Variants in CTNNA2 observed in about 807,000 individuals in gnomAD.
CTNNA2 encodes catenin alpha-2.
A neutral mutation model predicts 101.0 loss-of-function variants in CTNNA2; 42 were observed. The observed-to-expected ratio is 0.42, with a 90% CI of 0.32 to 0.54. The LOEUF (loss-of-function observed/expected upper bound fraction) is 0.54. Among genes scored for constraint, CTNNA2 ranks in the 20% least tolerant of loss-of-function variants. CTNNA2 has a pLI of 0.14. For missense variants in CTNNA2, 871 were observed against 1,223.1 expected, an observed-to-expected ratio of 0.71 and a Z score of 4.29; for synonymous variants, 450 against 456.4, an observed-to-expected ratio of 0.99 and a Z score of 0.18.
chr2:79,632,499 C>T (rs1679758398), intron 1 of CTNNA2, among the ~76,000 whole-genome samples: 2 of 152,286 alleles, frequency 1.3e-5, no homozygotes, highest in Non-Finnish European at 1.5e-5. Context: ...TCTAGATTGC[C>T]ATTTACCTAT....
chr2:80,491,184 G>T (rs1465039882), intron 9 of CTNNA2, among the ~76,000 whole-genome samples: 1 of 152,162 alleles, frequency 6.6e-6, no homozygotes, highest in Non-Finnish European at 1.5e-5. Context: ...ACAGCAGCGA[G>T]GCAAACTGAT....
chr2:80,594,756 C>T (rs1696799371), intron 15 of CTNNA2, among the ~76,000 whole-genome samples: 1 of 152,002 alleles, frequency 6.6e-6, no homozygotes, highest in Non-Finnish European at 1.5e-5. Context: ...ATTGAAAACA[C>T]TGCCCTTTTC....
intron 15 of CTNNA2, among the ~76,000 whole-genome samples, chr2:80,593,271 C>A (rs538979436): frequency 2.0e-5 from 3 of 152,078 alleles, no homozygotes; most frequent in South Asian, 2.1e-4. Flanking sequence ...GTCTTCTTGT[C>A]GATATTGTCT....
chr2:79,912,364 A>G (rs573695752), intron 7 of CTNNA2, among the ~76,000 whole-genome samples: 3 of 152,364 alleles, frequency 2.0e-5, no homozygotes, highest in Non-Finnish European at 2.9e-5. Context: ...TTCATGGAGC[A>G]TGGGCTATGA....
intron 6 of CTNNA2, among the ~76,000 whole-genome samples, chr2:79,889,799 A>G (rs907319286): frequency 6.6e-6 from 1 of 152,206 alleles, no homozygotes; most frequent in African/African-American, 2.4e-5. Context: ...CTCCTGACTG[A>G]AAAGTTGTTA....
At chr2:80,289,869 A>G (rs1465819380) in intron 7 of CTNNA2, among the ~76,000 whole-genome samples, 1 of 152,178 alleles carries the variant, frequency 6.6e-6, no homozygotes, top group Non-Finnish European at 1.5e-5. Flanking sequence ...CCTGCTACGG[A>G]TGATGGAGTA....
intron 15 of CTNNA2, among the ~76,000 whole-genome samples, chr2:80,597,967 G>A (rs1275267049): frequency 6.6e-6 from 1 of 151,928 alleles, no homozygotes; most frequent in African/African-American, 2.4e-5. Context: ...TACACCCAAA[G>A]GATTATAAAT....
intron 9 of CTNNA2, among the ~76,000 whole-genome samples, chr2:80,511,274 A>G (rs1688682747): frequency 6.6e-6 from 1 of 152,240 alleles, no homozygotes; most frequent in South Asian, 2.1e-4. Context: ...AAGATATTAG[A>G]GATATTTTTC....
chr2:79,516,748 G>A lies in CTNNA2; in HGVS notation c.-6+3541G>A, dbSNP rs548377796. ...ATAGTGAGGACCCAGAATATTCTTA[G>A]GTCTTTTCTTTTAACTTCAAGGCAG... On this transcript the variant is annotated intron_variant, in intron 1 of 18. Coordinates refer to ENST00000402739, the MANE Select transcript of CTNNA2 (RefSeq NM_001282597.3). Among the ~76,000 whole-genome samples the A allele has an allele frequency of 1.8e-4, 28 of 152,172 alleles. 1 individual carries two copies. In the South Asian group the frequency reaches 5.6e-3, roughly 30 times the overall value.
intron 2 of CTNNA2, among the ~76,000 whole-genome samples, chr2:79,238,258 A>G (rs948560901): frequency 6.6e-6 from 1 of 152,220 alleles, no homozygotes; most frequent in Non-Finnish European, 1.5e-5. Context: ...CAGCTCATCC[A>G]TAGAGCAGTC....
At chr2:80,336,946 G>A (rs1479295146) in intron 7 of CTNNA2, among the ~76,000 whole-genome samples, 3 of 152,260 alleles carry the variant, frequency 2.0e-5, no homozygotes, top group South Asian at 4.1e-4. Context: ...AGAAAATTGA[G>A]CATTGTTCCC....
chr2:80,603,761 T>C (rs1697760156), intron 15 of CTNNA2: 1 of 270,092 alleles, frequency 3.7e-6, no homozygotes, highest in African/African-American at 2.2e-5. Flanking sequence ...TACAACAGCT[T>C]TTGGTACACG....
At chr2:80,154,245 G>A (rs1703873119) in intron 7 of CTNNA2, among the ~76,000 whole-genome samples, 1 of 151,532 alleles carries the variant, frequency 6.6e-6, no homozygotes, top group African/African-American at 2.4e-5. Context: ...TTTTTTTCCT[G>A]TTGGTATTTT....
chr2:79,484,847 A>C (rs2104559122), intron 4 of CTNNA2, among the ~76,000 whole-genome samples: 1 of 152,270 alleles, frequency 6.6e-6, no homozygotes, highest in South Asian at 2.1e-4. Flanking sequence ...GATTTCCATT[A>C]GTTGAATGTC....
Position 79,668,424 on chromosome 2 carries a change from A to G in CTNNA2, c.102+16766A>G, listed in dbSNP as rs891968146. ...CCCTCACATCTTTTAAAACTCTGTTAGTTTTTTTTAACACTTACTACCTTT... is the reference window on the plus strand; with the variant it reads ...CCCTCACATCTTTTAAAACTCTGTTGGTTTTTTTTAACACTTACTACCTTT... On this transcript the variant is annotated intron_variant, in intron 2 of 18. Coordinates refer to ENST00000402739, the MANE Select transcript of CTNNA2 (RefSeq NM_001282597.3). 9.6e-5 allele frequency among the ~76,000 whole-genome samples: 10 copies of G among 103,798 alleles called. 1 individual carries two copies. In the East Asian group the frequency reaches 4.8e-3, roughly 49 times the overall value. 68.1% of individuals were successfully genotyped at this position (103,798 alleles called of 152,430 possible).
chr2:80,290,996 T>G lies in CTNNA2; in HGVS notation c.1057-102215T>G, dbSNP rs899123332. Among the ~76,000 whole-genome samples, 10 of 152,322 alleles carry G rather than the reference T, an allele frequency of 6.6e-5. No homozygotes were observed. In the South Asian group the frequency reaches 2.1e-3, roughly 32 times the overall value. Reference sequence around the variant, plus strand: ...TTGAGGTTTCACTATGGCCAAAGCATTGCCAATATTTCTGTCCAAAGCTGG... The same window carrying G: ...TTGAGGTTTCACTATGGCCAAAGCAGTGCCAATATTTCTGTCCAAAGCTGG... On this transcript the variant is annotated intron_variant, in intron 7 of 18. Transcript: ENST00000402739.
chr2:80,206,460 T>A (rs1404822855), intron 7 of CTNNA2, among the ~76,000 whole-genome samples: 11 of 152,228 alleles, frequency 7.2e-5, no homozygotes, highest in Admixed American at 7.2e-4. Context: ...TGCTATCACA[T>A]CACATCCAAT....
chr2:79,771,673 A>G (rs1673590799), intron 3 of CTNNA2, among the ~76,000 whole-genome samples: 1 of 152,190 alleles, frequency 6.6e-6, no homozygotes, highest in South Asian at 2.1e-4. Flanking sequence ...CTGATCTGAC[A>G]GGAGGCGGAG....
chr2:79,812,699 A>G (rs1677146570), intron 3 of CTNNA2, among the ~76,000 whole-genome samples: 2 of 152,132 alleles, frequency 1.3e-5, no homozygotes, highest in Admixed American at 1.3e-4. Context: ...CATATCTAGC[A>G]GTGATATTTG....
Sources: allele counts gnomAD v4.1 joint callset (sites outside exome capture counted in the v4.1 genomes callset), GRCh38; gene constraint gnomAD v4.1.1; transcripts MANE v1.5; gene names NCBI Gene and HGNC (gene_info 2026-07-23, HGNC 2026-07-21).